ME3: variants seen among roughly 807,000 people sequenced by gnomAD.
The protein encoded by ME3 is malic enzyme 3.
Under a neutral mutation model 68.9 loss-of-function variants are expected in ME3, and 48 were observed. The ratio of observed to expected loss-of-function variants is 0.70; its 90% CI spans 0.55 to 0.89. The LOEUF (loss-of-function observed/expected upper bound fraction) is 0.89, where lower values mean the gene tolerates loss of function less well. Ranked by LOEUF, ME3 falls within the 40% of genes least tolerant of loss-of-function variation. The pLI is 0.00. For missense variants in ME3, 675 were observed against 797.4 expected (o/e 0.85, Z 1.85); for synonymous variants, 320 against 318.8 (o/e 1.00, Z -0.04).
At position 86,528,714 on chromosome 11, in the gene ME3, G is replaced by C. The variant is rs528973445; in HGVS notation, c.468-19847C>G. On this transcript the variant is annotated intron_variant, in intron 4 of 14. Transcript: ENST00000543262. ...AGGATTAAGAAACTCACTCAAAACC[G>C]CTCAACTACATGGAAACTGAACAAA... 3.3e-5 allele frequency among the ~76,000 whole-genome samples: 5 copies of C among 151,454 alleles called. No homozygotes were observed. In the South Asian group the frequency reaches 1.0e-3, roughly 32 times the overall value.
chr11:86,650,577 T>C (rs1465394038), intron 2 of ME3, among the ~76,000 whole-genome samples: 1 of 152,124 alleles, frequency 6.6e-6, no homozygotes, highest in African/African-American at 2.4e-5. Context: ...AGGGCTAATA[T>C]CCAGAATCTA....
At chr11:86,552,189 G>A (rs982779643) in intron 4 of ME3, among the ~76,000 whole-genome samples, 2 of 152,124 alleles carry the variant, frequency 1.3e-5, no homozygotes. Flanking sequence ...GTGAATAAGT[G>A]TTATTTCCAT....
At chr11:86,532,743 T>C (rs1020415974) in intron 4 of ME3, among the ~76,000 whole-genome samples, 1 of 152,202 alleles carries the variant, frequency 6.6e-6, no homozygotes, top group Non-Finnish European at 1.5e-5. Flanking sequence ...GGAAAGTTTA[T>C]AGCAATAAAC....
intron 3 of ME3, among the ~76,000 whole-genome samples, chr11:86,557,391 T>G (rs1209364668): frequency 1.3e-5 from 2 of 152,194 alleles, no homozygotes; most frequent in African/African-American, 4.8e-5. Flanking sequence ...CACAATTAAG[T>G]GTGACTGCTA....
chr11:86,493,634 G>A (rs1261611155), intron 6 of ME3, among the ~76,000 whole-genome samples: 1 of 152,270 alleles, frequency 6.6e-6, no homozygotes, highest in Admixed American at 6.5e-5. Flanking sequence ...GGAAGGCTGA[G>A]CAGGCGCTCC....
chr11:86,446,328 G>A (rs1198551644), exon 13 of ME3: 1 of 1,614,106 alleles, frequency 6.2e-7, no homozygotes, highest in East Asian at 2.2e-5. Flanking sequence ...GCTGTCAGGA[G>A]GAAGATCTCA....
intron 4 of ME3, among the ~76,000 whole-genome samples, chr11:86,522,705 C>T (rs1356753789): frequency 2.0e-5 from 3 of 152,114 alleles, no homozygotes; most frequent in Admixed American, 6.5e-5. Context: ...GCAAAGGACA[C>T]AATCTCATTC....
chr11:86,496,952 T>C (rs1952374975), intron 6 of ME3, among the ~76,000 whole-genome samples: 1 of 152,150 alleles, frequency 6.6e-6, no homozygotes, highest in Admixed American at 6.5e-5. Flanking sequence ...GTGGCTGATA[T>C]CTTATTTTTA....
intron 7 of ME3, among the ~76,000 whole-genome samples, chr11:86,478,627 T>C (rs1456026518): frequency 1.3e-5 from 2 of 152,212 alleles, no homozygotes; most frequent in East Asian, 3.8e-4. Flanking sequence ...CTACATCAAG[T>C]CTCAAATAAG....
chr11:86,625,372 C>T (rs1209499035), intron 2 of ME3, among the ~76,000 whole-genome samples: 1 of 151,940 alleles, frequency 6.6e-6, no homozygotes, highest in East Asian at 1.9e-4. Flanking sequence ...GGAACATCAA[C>T]ATTTGTTCAA....
intron 4 of ME3, among the ~76,000 whole-genome samples, chr11:86,528,582 C>A (rs1157531473): frequency 6.6e-6 from 1 of 152,094 alleles, no homozygotes; most frequent in East Asian, 1.9e-4. Context: ...CACACCTACT[C>A]CAAAATTGAC....
At chr11:86,569,794 T>C (rs995906410) in intron 2 of ME3, among the ~76,000 whole-genome samples, 5 of 152,198 alleles carry the variant, frequency 3.3e-5, no homozygotes, top group African/African-American at 1.2e-4. Context: ...GAGTGGTAAG[T>C]AACTTGCCCA....
chr11:86,445,894 G>T (rs1020359178), intron 13 of ME3, among the ~76,000 whole-genome samples: 2 of 152,098 alleles, frequency 1.3e-5, no homozygotes, highest in East Asian at 1.9e-4. Flanking sequence ...TCCTAGTGGG[G>T]CTTACTACCG....
At chr11:86,497,977 C>T (rs1225686150) in exon 6 of ME3, 22 of 1,602,060 alleles carry the variant, frequency 1.4e-5, no homozygotes, top group Non-Finnish European at 1.9e-5. Flanking sequence ...TTGTTGGTGC[C>T]GACGTCCAGC....
intron 8 of ME3, chr11:86,457,517 CAA>C (rs1407408558): frequency 4.4e-6 from 5 of 1,129,714 alleles, no homozygotes; most frequent in South Asian, 4.1e-5. Flanking sequence ...GGCCAGAACT[CAA>C]GAGGAAAAAC....
chr11:86,499,996 C>T (rs1952611359), intron 5 of ME3, among the ~76,000 whole-genome samples: 1 of 152,312 alleles, frequency 6.6e-6, no homozygotes, highest in East Asian at 1.9e-4. Flanking sequence ...GTTCCTGGTT[C>T]AGGGCTCCTT....
In ME3 at chr11:86,508,886, G is replaced by A. The variant is rs376324545; in HGVS notation, c.468-19C>T. The A allele has an allele frequency of 4.4e-4, 699 of 1,592,712 alleles. 1 individual carries two copies. The highest frequency in any genetic ancestry group is 5.8e-4 in the Non-Finnish European group (671 of 1,161,324). ...CAGTCCACTAAAAGAAATAAAACAC[G>A]TACACACAGAGAAACCAGGCAGTCA... On this transcript the variant is annotated intron_variant, in intron 4 of 14. Coordinates refer to ENST00000543262, the Ensembl canonical transcript of ME3.
At chr11:86,588,918 C>T (rs1958893528) in intron 2 of ME3, among the ~76,000 whole-genome samples, 1 of 152,210 alleles carries the variant, frequency 6.6e-6, no homozygotes, top group South Asian at 2.1e-4. Flanking sequence ...GAGGTGGCAG[C>T]TGTGTGTCCC....
At chr11:86,454,945 TA>T (rs772936294) in intron 8 of ME3, among the ~76,000 whole-genome samples, 2 of 152,166 alleles carry the variant, frequency 1.3e-5, no homozygotes, top group Non-Finnish European at 2.9e-5. Context: ...GTGGCTGAGA[TA>T]GGGGGTACAG....
Sources: allele counts gnomAD v4.1 joint callset (sites outside exome capture counted in the v4.1 genomes callset), GRCh38; gene constraint gnomAD v4.1.1; transcripts MANE v1.5; gene names NCBI Gene and HGNC (gene_info 2026-07-23, HGNC 2026-07-21).